Variants in SPATA6 observed in about 807,000 individuals in gnomAD.
SPATA6 encodes the protein spermatogenesis-associated protein 6.
SPATA6 carries 56 observed loss-of-function variants against 65.3 expected under a neutral mutation model. That is an observed-to-expected ratio of 0.86 (90% CI 0.69 to 1.07). The LOEUF is 1.07. Among genes scored for constraint, SPATA6 ranks in the 50% least tolerant of loss-of-function variants. The pLI is 0.00. For synonymous variants in SPATA6, 199 were observed against 213.2 expected (o/e 0.93, Z 0.58); for missense variants, 590 against 594.8 (o/e 0.99, Z 0.08).
intron 5 of SPATA6, among the ~76,000 whole-genome samples, chr1:48,410,669 G>T (rs1269243957): frequency 1.3e-5 from 2 of 152,182 alleles, no homozygotes; most frequent in Admixed American, 1.3e-4. Context: ...AAGGGGAAGA[G>T]GCAAATCATC....
chr1:48,360,340 G>GT (rs1442737539), intron 9 of SPATA6, among the ~76,000 whole-genome samples: 3 of 152,086 alleles, frequency 2.0e-5, no homozygotes, highest in African/African-American at 4.8e-5. Flanking sequence ...AGGATATTAA[G>GT]TAACATGAGA....
intron 11 of SPATA6, among the ~76,000 whole-genome samples, chr1:48,317,549 G>A (rs1050976971): frequency 6.6e-6 from 1 of 151,916 alleles, no homozygotes; most frequent in Admixed American, 6.6e-5. Flanking sequence ...AGAGGGGAGG[G>A]ATAGCATTAG....
At chr1:48,381,568 G>C (rs985159814) in intron 9 of SPATA6, among the ~76,000 whole-genome samples, 2 of 149,738 alleles carry the variant, frequency 1.3e-5, no homozygotes, top group African/African-American at 4.9e-5. Flanking sequence ...TAGTTTAATA[G>C]TAGCACAAAA....
rs1234555179 is a variant in SPATA6, at chr1:48,437,323, T to C, written c.238+14229A>G. On this transcript the variant is annotated intron_variant, in intron 3 of 12. Coordinates refer to ENST00000371847, the MANE Select transcript of SPATA6 (RefSeq NM_019073.4). ...CAAATACGAGAATTATACTTGAAAA[T>C]ACAGTTGGTGCACTGGAGAATCTAT... The C allele has an allele frequency of 7.5e-5, 113 of 1,502,808 alleles. No individual in the cohort carries two copies. In the East Asian group the frequency reaches 2.0e-3, roughly 27 times the overall value. The allele number at this position is 1,502,808 out of a possible 1,614,324, so 93.1% of individuals were successfully genotyped here.
At chr1:48,315,833 T>G (rs1461568417) in intron 11 of SPATA6, among the ~76,000 whole-genome samples, 1 of 152,150 alleles carries the variant, frequency 6.6e-6, no homozygotes, top group Non-Finnish European at 1.5e-5. Flanking sequence ...ATAAGCAACG[T>G]CAGCAAAGTT....
intron 11 of SPATA6, among the ~76,000 whole-genome samples, chr1:48,351,958 A>G (rs1485163603): frequency 6.6e-6 from 1 of 152,070 alleles, no homozygotes; most frequent in Non-Finnish European, 1.5e-5. Flanking sequence ...ATAGATATAC[A>G]ACCAGTAATA....
At chr1:48,359,499 A>G in intron 10 of SPATA6, 87 bp downstream of exon 10, 1 of 1,413,890 alleles carries the variant, frequency 7.1e-7, no homozygotes, top group Non-Finnish European at 9.6e-7. Flanking sequence ...TTTTATAAAC[A>G]TTCATTTCAC....
intron 9 of SPATA6, among the ~76,000 whole-genome samples, chr1:48,362,141 C>A (rs1646832713): frequency 6.6e-6 from 1 of 152,066 alleles, no homozygotes; most frequent in Non-Finnish European, 1.5e-5. Context: ...GTAGTCTCAA[C>A]TATTCAGGAG....
chr1:48,348,976 C>T (rs1646444522), intron 11 of SPATA6, among the ~76,000 whole-genome samples: 1 of 151,866 alleles, frequency 6.6e-6, no homozygotes, highest in Admixed American at 6.6e-5. Flanking sequence ...TTCAGTATTG[C>T]TAATCCATAT....
chr1:48,309,560 A>T (rs934917987), intron 11 of SPATA6, among the ~76,000 whole-genome samples: 1 of 152,166 alleles, frequency 6.6e-6, no homozygotes, highest in East Asian at 1.9e-4. Context: ...TTCTTTATAA[A>T]TGCTTTCTTT....
intron 3 of SPATA6, among the ~76,000 whole-genome samples, chr1:48,430,508 C>A (rs72895173): frequency 0.025 from 3,748 of 151,840 alleles, 99 homozygotes; most frequent in African/African-American, 0.067. Flanking sequence ...ATGAAAGGAC[C>A]CTAGACAGTA....
intron 9 of SPATA6, among the ~76,000 whole-genome samples, chr1:48,363,893 T>G (rs1438933227): frequency 1.3e-5 from 2 of 152,096 alleles, no homozygotes; most frequent in Non-Finnish European, 2.9e-5. Context: ...GCTGGTGTAC[T>G]GCACCCATTA....
rs1419693858 is a variant in SPATA6, at chr1:48,403,857, G to C, written c.431C>G (p.Ser144Cys). ...ACATTCAGTAATCACTGAAGTCGTA[G>C]AAAATTCCAGCCTTGGAGCATTTCC... ...LRGNAPRLEF[S>C]TTSVITECLI... The change falls in exon 6 of 13, where the codon TCT (serine) becomes TGT (cysteine). Residue 144 changes from serine to cysteine, a missense_variant. Coordinates refer to ENST00000371847, the MANE Select transcript of SPATA6 (RefSeq NM_019073.4). The C allele has an allele frequency of 6.2e-7, 1 of 1,609,762 alleles. No individual in the cohort carries two copies. The highest frequency in any genetic ancestry group is 2.2e-5 in the East Asian group (1 of 44,606).
intron 11 of SPATA6, among the ~76,000 whole-genome samples, chr1:48,345,389 T>C (rs539303212): frequency 6.6e-6 from 1 of 152,086 alleles, no homozygotes; most frequent in South Asian, 2.1e-4. Flanking sequence ...ATCAAAAAGT[T>C]AGAAAGATCT....
At chr1:48,269,619 T>C in the SPATA6 span, among the ~76,000 whole-genome samples, 1 of 152,090 alleles carries the variant, frequency 6.6e-6, no homozygotes, top group Admixed American at 6.6e-5. Flanking sequence ...ATGGAGGACA[T>C]TTATTATCCT....
downstream of SPATA6, among the ~76,000 whole-genome samples, chr1:48,291,835 CTCTA>C (rs1383711678): frequency 6.6e-6 from 1 of 152,218 alleles, no homozygotes; most frequent in African/African-American, 2.4e-5. Flanking sequence ...CCACACACTG[CTCTA>C]TCTGTTGAAG....
At chr1:48,293,468 A>G (rs1644781449), downstream of SPATA6, among the ~76,000 whole-genome samples, 1 of 152,012 alleles carries the variant, frequency 6.6e-6, no homozygotes, top group Non-Finnish European at 1.5e-5. Flanking sequence ...CCATTCCTGG[A>G]TGTCTATCAG....
At chr1:48,324,892 C>T (rs1036687183) in intron 11 of SPATA6, among the ~76,000 whole-genome samples, 7 of 152,222 alleles carry the variant, frequency 4.6e-5, no homozygotes, top group Non-Finnish European at 5.9e-5. Flanking sequence ...TTATTGGAAA[C>T]GAACAAGTCA....
intron 1 of SPATA6, 99 bp downstream of exon 1, chr1:48,471,859 G>A (rs1658280800): frequency 1.4e-6 from 2 of 1,380,104 alleles, no homozygotes; most frequent in Non-Finnish European, 2.0e-6. Flanking sequence ...GGATGATTCG[G>A]AGGGTGAAGG....
Sources: allele counts gnomAD v4.1 joint callset (sites outside exome capture counted in the v4.1 genomes callset), GRCh38; gene constraint gnomAD v4.1.1; transcripts MANE v1.5; gene names NCBI Gene and HGNC (gene_info 2026-07-23, HGNC 2026-07-21).